MYZAP: variants seen among roughly 807,000 people sequenced by gnomAD.
MYZAP encodes GRINL1A complex locus upstream.
A neutral mutation model predicts 69.4 loss-of-function variants in MYZAP; 66 were observed. The observed-to-expected ratio is 0.95, with a 90% confidence interval of 0.78 to 1.17. The LOEUF (loss-of-function observed/expected upper bound fraction) is 1.17. Among genes scored for constraint, MYZAP ranks in the 50% most tolerant of loss-of-function variants. The probability of loss-of-function intolerance (pLI) is 0.00; values close to 1 mark genes in which losing one functional copy is unlikely to be tolerated. For synonymous variants in MYZAP, 256 were observed against 205.9 expected, an observed-to-expected ratio of 1.24 and a Z score of -2.09; for missense variants, 611 against 556.2, an observed-to-expected ratio of 1.10 and a Z score of -0.99.
intron 11 of MYZAP, among the ~76,000 whole-genome samples, chr15:57,667,096 GT>G (rs2038613556): frequency 6.6e-6 from 1 of 152,120 alleles, no homozygotes; most frequent in Non-Finnish European, 1.5e-5. Flanking sequence ...AAATGTCTTG[GT>G]TTTGTCCATC....
chr15:57,684,207 A>T (rs1307266153), intron 12 of MYZAP, among the ~76,000 whole-genome samples, 195 bp from the exon 13 acceptor site: 1 of 152,218 alleles, frequency 6.6e-6, no homozygotes, highest in Non-Finnish European at 1.5e-5. Flanking sequence ...TTAGGATTTC[A>T]AAATATGAAT....
intron 10 of MYZAP, among the ~76,000 whole-genome samples, chr15:57,645,786 T>C (rs930483534): frequency 6.6e-6 from 1 of 152,224 alleles, no homozygotes; most frequent in Non-Finnish European, 1.5e-5. Context: ...CATTCAATCT[T>C]TGGGTATACT....
chr15:57,599,835 C>A lies in MYZAP; in HGVS notation c.76-4434C>A, dbSNP rs760811891. 4.7e-5 allele frequency: 27 copies of A among 577,802 alleles called. No homozygotes were observed. The Middle Eastern group carries it at 1.5e-3, about 33-fold the overall frequency. 35.8% of individuals were successfully genotyped at this position (577,802 alleles called of 1,614,324 possible). ...GGTTCAGGGGTTACTGTCCTTAGTG[C>A]TTCTGTTAGGGATTCAGAGTACCTT... On this transcript the variant is annotated intron_variant, in intron 1 of 12. Coordinates refer to ENST00000267853, the MANE Select transcript of MYZAP (RefSeq NM_001018100.5).
At chr15:57,663,689 G>A (rs1254044124) in intron 11 of MYZAP, among the ~76,000 whole-genome samples, 1 of 152,174 alleles carries the variant, frequency 6.6e-6, no homozygotes, top group Non-Finnish European at 1.5e-5. Context: ...GTTAGACTCT[G>A]GTGGTCAAAG....
chr15:57,661,020 A>C (rs190513455), intron 10 of MYZAP, among the ~76,000 whole-genome samples: 1 of 152,338 alleles, frequency 6.6e-6, no homozygotes, highest in East Asian at 1.9e-4. Flanking sequence ...AAATGTTTGA[A>C]ATGCAGGCTG....
Position 57,665,931 on chromosome 15 carries a change from T to C in MYZAP, c.1203+4398T>C, listed in dbSNP as rs529694128. Among the ~76,000 whole-genome samples, 10 of 152,326 alleles carry C rather than the reference T, an allele frequency of 6.6e-5. No homozygotes were observed. The South Asian group carries it at 2.1e-3, about 32-fold the overall frequency. On this transcript the variant is annotated intron_variant, in intron 11 of 12. Coordinates refer to ENST00000267853, the MANE Select transcript of MYZAP (RefSeq NM_001018100.5). ...CACCTCTGCTTACAAGCAGAGTAACTCTGGGCAGGTAATTCTACCCCTCTG... is the reference window on the plus strand; with the variant it reads ...CACCTCTGCTTACAAGCAGAGTAACCCTGGGCAGGTAATTCTACCCCTCTG...
intron 5 of MYZAP, among the ~76,000 whole-genome samples, chr15:57,627,098 G>A (rs1166939446): frequency 6.6e-6 from 1 of 152,116 alleles, no homozygotes; most frequent in Non-Finnish European, 1.5e-5. Flanking sequence ...TATCTCACCT[G>A]AGTTCAGACT....
rs763856721 is a variant in MYZAP, at chr15:57,616,822, C to CTTTTTTTTTTTTTTTTTT, written c.163-1203_163-1186dup. 8.3e-3 allele frequency among the ~76,000 whole-genome samples: 418 copies of CTTTTTTTTTTTTTTTTTT among 50,060 alleles called. 65 individuals are homozygous for CTTTTTTTTTTTTTTTTTT. The highest frequency in any genetic ancestry group is 0.017 in the Middle Eastern group (1 of 58). 32.8% of individuals were successfully genotyped at this position (50,060 alleles called of 152,430 possible). ...GAGACTCCATCTAAAAAAAAAAGTG[C>CTTTTTTTTTTTTTTTTTT]TTTTTTTTTTTTTTTTTTTTTTTTT... On this transcript the variant is annotated intron_variant, in intron 2 of 12. Coordinates refer to ENST00000267853, the MANE Select transcript of MYZAP (RefSeq NM_001018100.5).
intron 10 of MYZAP, chr15:57,647,362 C>T (rs563191212): frequency 2.0e-6 from 2 of 985,414 alleles, no homozygotes; most frequent in East Asian, 1.1e-4. Context: ...TTGAGAATCT[C>T]ATCTGGATGT....
intron 5 of MYZAP, among the ~76,000 whole-genome samples, chr15:57,628,899 A>G (rs2036318381): frequency 6.6e-6 from 1 of 152,002 alleles, no homozygotes; most frequent in South Asian, 2.1e-4. Context: ...CCTGGCCAAT[A>G]CGGTGAAACC....
intron 8 of MYZAP, among the ~76,000 whole-genome samples, chr15:57,635,372 T>A (rs1318954749): frequency 6.6e-6 from 1 of 152,132 alleles, no homozygotes; most frequent in Non-Finnish European, 1.5e-5. Context: ...ACCCTCAGAG[T>A]CAGGTTGTCT....
intron 1 of MYZAP, among the ~76,000 whole-genome samples, chr15:57,593,190 A>ATGCGCGAGCGCGCG (rs376306761): frequency 9.2e-6 from 1 of 108,256 alleles, no homozygotes; most frequent in African/African-American, 3.4e-5. Context: ...ACACAGGCGC[A>ATGCGCGAGCGCGCG]CACACACACA....
chr15:57,604,178 G>T, intron 1 of MYZAP, 91 bp from the exon 2 acceptor site: 1 of 1,330,024 alleles, frequency 7.5e-7, no homozygotes. Flanking sequence ...ATGGAAGTAG[G>T]GGAAATGGGC....
chr15:57,642,065 A>G (rs569859586), intron 10 of MYZAP, among the ~76,000 whole-genome samples: 26 of 152,376 alleles, frequency 1.7e-4, no homozygotes, highest in African/African-American at 6.0e-4. Flanking sequence ...TTCATTCACA[A>G]CAAAGAAAAC....
chr15:57,668,106 G>A (rs967806559), intron 11 of MYZAP, among the ~76,000 whole-genome samples: 15 of 152,068 alleles, frequency 9.9e-5, no homozygotes, highest in Admixed American at 2.6e-4. Context: ...GATTTGAGGC[G>A]CATCTAAGTT....
At chr15:57,656,153 C>T (rs1374938466) in intron 10 of MYZAP, among the ~76,000 whole-genome samples, 2 of 152,138 alleles carry the variant, frequency 1.3e-5, no homozygotes, top group African/African-American at 4.8e-5. Flanking sequence ...TGGAGTAGCT[C>T]CTGATTTGGG....
chr15:57,646,691 A>G (rs1248680511), intron 10 of MYZAP: 26 of 988,818 alleles, frequency 2.6e-5, no homozygotes, highest in African/African-American at 3.5e-5. Context: ...GTTTGGTTCT[A>G]TTTGTATATG....
chr15:57,664,176 G>C (rs146737584), intron 11 of MYZAP, among the ~76,000 whole-genome samples: 105 of 151,092 alleles, frequency 6.9e-4, no homozygotes, highest in African/African-American at 2.5e-3. Flanking sequence ...AGTCATCTTT[G>C]AGATCCAAAA....
chr15:57,676,160 C>T (rs2039102123), intron 12 of MYZAP, among the ~76,000 whole-genome samples: 1 of 152,078 alleles, frequency 6.6e-6, no homozygotes, highest in African/African-American at 2.4e-5. Flanking sequence ...TAGGTAACTG[C>T]TCAGGCCTCT....
Sources: allele counts gnomAD v4.1 joint callset (sites outside exome capture counted in the v4.1 genomes callset), GRCh38; gene constraint gnomAD v4.1.1; transcripts MANE v1.5; gene names NCBI Gene and HGNC (gene_info 2026-07-23, HGNC 2026-07-21).